The following CNIH3 variants were observed in gnomAD, a reference collection of about 807,000 sequenced individuals.
The protein encoded by CNIH3 is cornichon family AMPA receptor auxiliary protein 3.
Under a neutral mutation model 24.1 loss-of-function variants are expected in CNIH3, and 14 were observed. The observed-to-expected ratio is 0.58, with a 90% CI of 0.38 to 0.91. The LOEUF (loss-of-function observed/expected upper bound fraction) is 0.91, where lower values mean the gene tolerates loss of function less well. Ranked by LOEUF, CNIH3 falls within the 40% of genes least tolerant of loss-of-function variation. The pLI is 0.00. For missense variants in CNIH3, 178 were observed against 196.8 expected (o/e 0.90, Z 0.57); for synonymous variants, 68 against 73.8 (o/e 0.92, Z 0.40).
chr1:224,590,775 G>T (rs776909030), downstream of CNIH3, among the ~76,000 whole-genome samples: 2 of 151,976 alleles, frequency 1.3e-5, no homozygotes, highest in Non-Finnish European at 2.9e-5. Context: ...CATAGCTAAC[G>T]CCTTTGTGCT....
At chr1:224,672,605 A>G (rs967910660) in intron 1 of CNIH3, among the ~76,000 whole-genome samples, 9 of 151,974 alleles carry the variant, frequency 5.9e-5, no homozygotes, top group African/African-American at 1.5e-4. Context: ...TGTCCCTCCA[A>G]TTGCAGCCTC....
At chr1:224,531,485 G>A (rs1469788898) in intron 2 of CNIH3, among the ~76,000 whole-genome samples, 1 of 152,242 alleles carries the variant, frequency 6.6e-6, no homozygotes, top group African/African-American at 2.4e-5. Context: ...AATTAGCGAA[G>A]TGAAGCTCTA....
chr1:224,539,384 T>A (rs1350863462), downstream of CNIH3, among the ~76,000 whole-genome samples: 1 of 152,250 alleles, frequency 6.6e-6, no homozygotes, highest in Non-Finnish European at 1.5e-5. Context: ...GATTCTGCTA[T>A]AATTTAAGTA....
At chr1:224,471,731 G>A (rs1389600516) in intron 1 of CNIH3, among the ~76,000 whole-genome samples, 1 of 151,694 alleles carries the variant, frequency 6.6e-6, no homozygotes, top group African/African-American at 2.4e-5. Flanking sequence ...CTGGGACTAC[G>A]GGTACCTGCC....
intron 1 of CNIH3, among the ~76,000 whole-genome samples, chr1:224,645,249 C>G (rs1028764830): frequency 3.3e-5 from 5 of 152,222 alleles, no homozygotes; most frequent in Non-Finnish European, 7.3e-5. Context: ...TGCTCTGCCC[C>G]CTCTCTCCTA....
At chr1:224,654,447 GA>G (rs1480806100) in intron 1 of CNIH3, among the ~76,000 whole-genome samples, 8 of 152,194 alleles carry the variant, frequency 5.3e-5, no homozygotes, top group African/African-American at 1.7e-4. Flanking sequence ...CCTTGCTGTA[GA>G]GTTGGGTTTT....
At chr1:224,711,142 A>G (rs1164864300) in intron 3 of CNIH3, among the ~76,000 whole-genome samples, 2 of 152,234 alleles carry the variant, frequency 1.3e-5, no homozygotes, top group African/African-American at 2.4e-5. Context: ...GATCCGAGGT[A>G]TTACTAAAGA....
At chr1:224,448,851 C>T (rs112341193) in intron 1 of CNIH3, among the ~76,000 whole-genome samples, 152 of 152,210 alleles carry the variant, frequency 1.0e-3, no homozygotes, top group African/African-American at 3.5e-3. Context: ...AGTCACCTCA[C>T]AGGCAGAGTG....
chr1:224,595,202 A>G (rs1681925869), intron 3 of CNIH3, among the ~76,000 whole-genome samples: 1 of 152,190 alleles, frequency 6.6e-6, no homozygotes, highest in Non-Finnish European at 1.5e-5. Context: ...GTGCACCACC[A>G]TACCTGTCTA....
chr1:224,627,289 T>C (rs4323673), intron 1 of CNIH3, among the ~76,000 whole-genome samples: 152,110 of 152,114 alleles, frequency 1, 76,053 homozygotes, highest in Middle Eastern at 1. Flanking sequence ...TGCAGTGATG[T>C]GATCTCGGCT....
chr1:224,518,004 G>T (rs1400408587), intron 1 of CNIH3, among the ~76,000 whole-genome samples: 2 of 152,130 alleles, frequency 1.3e-5, no homozygotes, highest in Non-Finnish European at 2.9e-5. Flanking sequence ...TTAGCAAGCG[G>T]CAGGACAGCA....
intron 2 of CNIH3, among the ~76,000 whole-genome samples, chr1:224,682,006 C>T (rs1686427273): frequency 6.6e-6 from 1 of 152,126 alleles, no homozygotes; most frequent in Non-Finnish European, 1.5e-5. Flanking sequence ...ACAACAGGCT[C>T]TGCTAGCGTG....
intron 1 of CNIH3, among the ~76,000 whole-genome samples, chr1:224,667,106 C>T (rs756030481): frequency 1.3e-5 from 2 of 152,168 alleles, no homozygotes; most frequent in Non-Finnish European, 2.9e-5. Flanking sequence ...AGTAAGTGCT[C>T]ATTAAATATT....
At chr1:224,616,243 C>T, upstream of CNIH3, 1 of 161,972 alleles carries the variant, frequency 6.2e-6, no homozygotes, top group Non-Finnish European at 1.3e-5. Flanking sequence ...CCGGGGAGGG[C>T]GCGCTCAGCG....
intron 3 of CNIH3, among the ~76,000 whole-genome samples, chr1:224,701,514 T>A (rs1687489776): frequency 6.6e-6 from 1 of 152,142 alleles, no homozygotes; most frequent in Non-Finnish European, 1.5e-5. Context: ...CATGTTGTCA[T>A]CTAATCCTAA....
intron 3 of CNIH3, chr1:224,565,811 A>C (rs1334843358): frequency 6.6e-6 from 1 of 152,160 alleles, no homozygotes; most frequent in Non-Finnish European, 1.5e-5. Context: ...ACTGAGCTAC[A>C]TTCTCCATGA....
intron 1 of CNIH3, among the ~76,000 whole-genome samples, chr1:224,462,642 T>TC (rs1572289863): frequency 6.8e-6 from 1 of 147,862 alleles, no homozygotes; most frequent in East Asian, 2.0e-4. Flanking sequence ...ACCCAATTTT[T>TC]TTTTTTTTTT....
intron 2 of CNIH3, among the ~76,000 whole-genome samples, chr1:224,528,636 G>C (rs569113311): frequency 7.2e-5 from 11 of 152,258 alleles, no homozygotes; most frequent in Non-Finnish European, 1.0e-4. Flanking sequence ...GGTGCTAATA[G>C]TAGTTAACAT....
chr1:224,606,767 G>C (rs1572568226), intron 3 of CNIH3, among the ~76,000 whole-genome samples: 1 of 152,104 alleles, frequency 6.6e-6, no homozygotes, highest in Admixed American at 6.5e-5. Context: ...GTTTGTGCAG[G>C]GGGCAGGAGG....
Sources: allele counts gnomAD v4.1 joint callset (sites outside exome capture counted in the v4.1 genomes callset), GRCh38; gene constraint gnomAD v4.1.1; transcripts MANE v1.5; gene names NCBI Gene and HGNC (gene_info 2026-07-23, HGNC 2026-07-21).